Variants in CCSER2 observed in about 807,000 individuals in gnomAD.
The protein encoded by CCSER2 is serine-rich coiled-coil domain-containing protein 2.
A neutral mutation model predicts 92.3 loss-of-function variants in CCSER2; 46 were observed. The observed-to-expected ratio is 0.50, with a 90% CI of 0.39 to 0.64. CCSER2 has a LOEUF of 0.64. Among genes scored for constraint, CCSER2 ranks in the 30% least tolerant of loss-of-function variants. The probability of loss-of-function intolerance (pLI) is 0.00; values close to 1 mark genes in which losing one functional copy is unlikely to be tolerated. For missense variants in CCSER2, 1,244 were observed against 1,238.9 expected (o/e 1.00, Z -0.06); for synonymous variants, 433 against 431.4 (o/e 1.00, Z -0.04).
At chr10:84,385,877 TCAA>T (rs1841174766) in intron 3 of CCSER2, among the ~76,000 whole-genome samples, 1 of 150,676 alleles carries the variant, frequency 6.6e-6, no homozygotes, top group Admixed American at 6.6e-5. Context: ...TACAAGGAAC[TCAA>T]CAAGAAAAAA....
intron 3 of CCSER2, among the ~76,000 whole-genome samples, chr10:84,404,116 C>G (rs892906562): frequency 6.6e-6 from 1 of 152,184 alleles, no homozygotes; most frequent in African/African-American, 2.4e-5. Context: ...GCTCTGTAGC[C>G]AGATGCCAAA....
At chr10:84,476,534 TC>T (rs1274313669) in intron 8 of CCSER2, among the ~76,000 whole-genome samples, 1 of 146,478 alleles carries the variant, frequency 6.8e-6, no homozygotes, top group Non-Finnish European at 1.5e-5. Context: ...AAGCTCTGCT[TC>T]CGGGTTCATG....
chr10:84,467,993 A>G (rs928254504), intron 7 of CCSER2, among the ~76,000 whole-genome samples: 5 of 152,116 alleles, frequency 3.3e-5, no homozygotes, highest in African/African-American at 9.7e-5. Flanking sequence ...ACACCTGTCA[A>G]AGCCATCTCA....
At chr10:84,404,087 A>G (rs758638618) in intron 3 of CCSER2, among the ~76,000 whole-genome samples, 4 of 152,224 alleles carry the variant, frequency 2.6e-5, no homozygotes, top group Admixed American at 1.3e-4. Flanking sequence ...CTTTAAATTT[A>G]ACATTCATTA....
intron 1 of CCSER2, among the ~76,000 whole-genome samples, chr10:84,358,655 T>TATATAC (rs959145385): frequency 6.8e-6 from 1 of 147,786 alleles, no homozygotes; most frequent in Non-Finnish European, 1.5e-5. Flanking sequence ...TGTGTATATA[T>TATATAC]ATATACATAT....
intron 9 of CCSER2, among the ~76,000 whole-genome samples, chr10:84,513,160 T>C (rs1438949645): frequency 2.0e-5 from 3 of 152,226 alleles, no homozygotes; most frequent in Non-Finnish European, 1.5e-5. Flanking sequence ...GAATCTATTA[T>C]GGCAGGAATT....
intron 1 of CCSER2, among the ~76,000 whole-genome samples, chr10:84,352,191 G>A (rs552026640): frequency 2.0e-5 from 3 of 152,074 alleles, no homozygotes; most frequent in African/African-American, 2.4e-5. Flanking sequence ...ATAGTCCCAG[G>A]TACTCGGGAG....
At chr10:84,428,339 A>ACG (rs1413697074) in intron 5 of CCSER2, among the ~76,000 whole-genome samples, 1 of 152,136 alleles carries the variant, frequency 6.6e-6, no homozygotes, top group African/African-American at 2.4e-5. Flanking sequence ...TGCGCAGCTC[A>ACG]CGATAGGGTT....
At chr10:84,440,138 C>T (rs1272013954) in intron 6 of CCSER2, among the ~76,000 whole-genome samples, 2 of 152,026 alleles carry the variant, frequency 1.3e-5, no homozygotes, top group Non-Finnish European at 1.5e-5. Context: ...AATTGGTAAC[C>T]AATGATTGGT....
chr10:84,353,823 T>G (rs972056788), intron 1 of CCSER2, among the ~76,000 whole-genome samples: 1 of 152,176 alleles, frequency 6.6e-6, no homozygotes, highest in Admixed American at 6.5e-5. Context: ...GTCCCCACTA[T>G]TTTCTTTATT....
intron 2 of CCSER2, among the ~76,000 whole-genome samples, chr10:84,372,885 T>C (rs1243468435): frequency 6.6e-6 from 1 of 152,170 alleles, no homozygotes; most frequent in Non-Finnish European, 1.5e-5. Context: ...ATATAGGTTA[T>C]GTCTAATCTC....
chr10:84,508,378 G>C (rs558820878), intron 9 of CCSER2, among the ~76,000 whole-genome samples: 2 of 152,192 alleles, frequency 1.3e-5, no homozygotes, highest in South Asian at 4.1e-4. Context: ...GTTATTATTT[G>C]CAACAATTCC....
intron 3 of CCSER2, among the ~76,000 whole-genome samples, chr10:84,409,303 T>A (rs950870539): frequency 2.7e-4 from 40 of 150,798 alleles, no homozygotes; most frequent in Admixed American, 2.0e-3. Flanking sequence ...TTTATTTATT[T>A]AAAAAAATTT....
At chr10:84,457,884 G>A (rs1845868834) in intron 6 of CCSER2, among the ~76,000 whole-genome samples, 1 of 151,016 alleles carries the variant, frequency 6.6e-6, no homozygotes, top group South Asian at 2.1e-4. Context: ...TGGGATTACA[G>A]GCGAATGCCA....
chr10:84,440,203 C>G (rs1035793824), intron 6 of CCSER2, among the ~76,000 whole-genome samples: 1 of 152,106 alleles, frequency 6.6e-6, no homozygotes, highest in East Asian at 1.9e-4. Context: ...TTGTAAATCT[C>G]TTAATGGTTC....
intron 3 of CCSER2, among the ~76,000 whole-genome samples, chr10:84,414,784 A>G (rs1296206927): frequency 2.6e-5 from 4 of 152,088 alleles, no homozygotes; most frequent in Admixed American, 6.5e-5. Context: ...GGGTATCCCA[A>G]TCAGTTATAG....
intron 4 of CCSER2, among the ~76,000 whole-genome samples, chr10:84,420,090 G>C (rs1335982918): frequency 6.6e-6 from 1 of 152,188 alleles, no homozygotes; most frequent in African/African-American, 2.4e-5. Flanking sequence ...TGACAGAATT[G>C]TAACAACTTC....
At chr10:84,332,992 G>A (rs1278487216) in intron 1 of CCSER2, among the ~76,000 whole-genome samples, 1 of 151,864 alleles carries the variant, frequency 6.6e-6, no homozygotes. Context: ...TTATATTATA[G>A]AAAACTACAT....
At chr10:84,379,955 C>T (rs1840807451) in intron 3 of CCSER2, among the ~76,000 whole-genome samples, 1 of 152,060 alleles carries the variant, frequency 6.6e-6, no homozygotes, top group African/African-American at 2.4e-5. Flanking sequence ...AGTGAACATT[C>T]GGATTCAATT....
Sources: gnomAD v4.1 joint callset for allele counts (sites outside exome capture counted in the v4.1 genomes callset) on GRCh38, gnomAD v4.1.1 for gene constraint, MANE v1.5 for transcripts, NCBI Gene and HGNC (gene_info 2026-07-23, HGNC 2026-07-21) for gene names.